Variants in SHROOM4 observed in about 807,000 individuals in gnomAD.
SHROOM4 encodes shroom family member 4.
In SHROOM4, 17 loss-of-function variants were observed where a neutral mutation model predicts 80.3. The observed-to-expected ratio is 0.21, with a 90% CI of 0.14 to 0.32. The LOEUF (loss-of-function observed/expected upper bound fraction) is 0.32, where lower values mean the gene tolerates loss of function less well. Ranked by LOEUF, SHROOM4 falls within the 10% of genes least tolerant of loss-of-function variation. The probability of loss-of-function intolerance (pLI) is 1.00; values close to 1 mark genes in which losing one functional copy is unlikely to be tolerated. For missense variants in SHROOM4, 993 were observed against 1,140.3 expected, an observed-to-expected ratio of 0.87 and a Z score of 1.86; for synonymous variants, 400 against 437.5, an observed-to-expected ratio of 0.91 and a Z score of 1.07.
Position 50,607,408 on chromosome X carries a change from G to A in SHROOM4, c.3734C>T (p.Ser1245Leu), listed in dbSNP as rs12689863. 8.7e-3 allele frequency: 10,542 copies of A among 1,208,991 alleles called. 542 individuals carry two copies. In the East Asian group the frequency reaches 0.2, roughly 23 times the overall value. ...GGCGGATTCAGTGGCTTCCTGTCCC[G>A]ATGTCCTCCAAAGCCCACCAATGCC... is the stretch of plus-strand genomic sequence containing the variant. ...YYGIGGLWRTSGQEATESAKQ... is the reference protein window; with the variant it reads ...YYGIGGLWRTLGQEATESAKQ... The change falls in exon 6 of 9, where the codon TCG (serine) becomes TTG (leucine). Residue 1245 changes from serine (S) to leucine (L), a missense_variant. Coordinates refer to ENST00000376020, the MANE Select transcript of SHROOM4 (RefSeq NM_020717.5).
chrX:50,598,240 C>T, intron 8 of SHROOM4, 26 bp downstream of exon 8: 1 of 1,210,521 alleles, frequency 8.3e-7, no homozygotes, highest in Non-Finnish European at 1.1e-6. Context: ...TTCCCTCTAC[C>T]CACACCCCAC....
chrX:50,793,511 C>G (rs1935895510), intron 1 of SHROOM4, among the ~76,000 whole-genome samples: 1 of 106,119 alleles, frequency 9.4e-6, no homozygotes, highest in Non-Finnish European at 1.9e-5. Flanking sequence ...TACTTTCTGA[C>G]ATCGAAAATA....
chrX:50,650,946 A>G (rs1932028666), intron 2 of SHROOM4, among the ~76,000 whole-genome samples: 1 of 111,689 alleles, frequency 9.0e-6, no homozygotes, highest in South Asian at 3.8e-4. Flanking sequence ...TTTACCCTTA[A>G]TATTAGCACT....
At chrX:50,793,209 T>C (rs940468037) in intron 1 of SHROOM4, among the ~76,000 whole-genome samples, 1 of 110,386 alleles carries the variant, frequency 9.1e-6, no homozygotes, top group Non-Finnish European at 1.9e-5. Flanking sequence ...TTGCATAATT[T>C]TGCTTATATG....
In SHROOM4 at chrX:50,642,559, T is replaced by G. The variant is rs1166583723; in HGVS notation, c.270-4251A>C. On this transcript the variant is annotated intron_variant, in intron 2 of 8. Coordinates refer to ENST00000376020, the MANE Select transcript of SHROOM4 (RefSeq NM_020717.5). ...CAACCTCAGACTCCTGGGCATAAGCTATCCTTCTGTCTCAGCCTCCTGAGT... is the reference window on the plus strand; with the variant it reads ...CAACCTCAGACTCCTGGGCATAAGCGATCCTTCTGTCTCAGCCTCCTGAGT... 2.7e-5 allele frequency among the ~76,000 whole-genome samples: 3 copies of G among 111,931 alleles called. No individual in the cohort carries two copies. In the Admixed American group the frequency reaches 2.8e-4, roughly 11 times the overall value.
chrX:50,799,921 G>A (rs1166242575), intron 1 of SHROOM4, among the ~76,000 whole-genome samples: 3 of 111,677 alleles, frequency 2.7e-5, no homozygotes, highest in Non-Finnish European at 5.6e-5. Flanking sequence ...TGCAAACCTC[G>A]GAACACAGCT....
intron 1 of SHROOM4, among the ~76,000 whole-genome samples, chrX:50,799,773 T>C (rs782349976): frequency 9.0e-6 from 1 of 111,038 alleles, no homozygotes; most frequent in East Asian, 2.8e-4. Flanking sequence ...AACACTTGAG[T>C]TTCACTGAAG....
intron 1 of SHROOM4, among the ~76,000 whole-genome samples, chrX:50,753,480 T>C (rs1569548540): frequency 2.7e-5 from 3 of 111,940 alleles, no homozygotes; most frequent in Admixed American, 9.5e-5. Flanking sequence ...TACATTTCAG[T>C]ATACCTGGGA....
rs543850330 is a variant in SHROOM4 at position 50,588,406 on chromosome X, T to A, written c.*8289A>T. Reference sequence around the variant, plus strand: ...TGGGTACTTATTGTCCTAAGTACTTTGCATGGATTAACTCAATAATTCCTC... The same window carrying A: ...TGGGTACTTATTGTCCTAAGTACTTAGCATGGATTAACTCAATAATTCCTC... On this transcript the variant is annotated 3_prime_UTR_variant, in exon 9 of 9. Transcript: ENST00000376020. Among the ~76,000 whole-genome samples, 1 of 112,260 alleles carries A rather than the reference T, an allele frequency of 8.9e-6. No individual in the cohort carries two copies. Among genetic ancestry groups the A allele is most frequent in the Admixed American group, 9.4e-5 (1 of 10,605 alleles).
At chrX:50,582,037 A>C (rs1235518898), downstream of SHROOM4, among the ~76,000 whole-genome samples, 4 of 111,714 alleles carry the variant, frequency 3.6e-5, no homozygotes, top group Non-Finnish European at 7.5e-5. Context: ...CTGGAGTGTA[A>C]GTGGGAAGTG....
intron 1 of SHROOM4, among the ~76,000 whole-genome samples, chrX:50,806,246 A>G (rs1936225812): frequency 8.9e-6 from 1 of 112,000 alleles, no homozygotes; most frequent in Non-Finnish European, 1.9e-5. Flanking sequence ...GTGTTGCGAT[A>G]TGGTACAGTC....
intron 1 of SHROOM4, among the ~76,000 whole-genome samples, chrX:50,736,197 A>G (rs782210605): frequency 1.8e-5 from 2 of 110,517 alleles, no homozygotes; most frequent in African/African-American, 6.6e-5. Flanking sequence ...ATCTTCATAC[A>G]TGCTAGGTGC....
chrX:50,578,754 A>C, the SHROOM4 span, among the ~76,000 whole-genome samples: 3 of 111,944 alleles, frequency 2.7e-5, no homozygotes, highest in Non-Finnish European at 5.6e-5. Context: ...TTTTAACTTA[A>C]ATGTAGCATA....
intron 1 of SHROOM4, among the ~76,000 whole-genome samples, chrX:50,808,915 G>C (rs1355789128): frequency 9.0e-6 from 1 of 110,721 alleles, no homozygotes; most frequent in Non-Finnish European, 1.9e-5. Context: ...TGAAAACCCA[G>C]CAGGGCCAAA....
chrX:50,686,134 A>C lies in SHROOM4; in HGVS notation c.269+9652T>G, dbSNP rs1933066574. 2.7e-5 allele frequency among the ~76,000 whole-genome samples: 3 copies of C among 110,350 alleles called. No homozygotes were observed. In the Admixed American group the frequency reaches 2.9e-4, roughly 11 times the overall value. On this transcript the variant is annotated intron_variant, in intron 2 of 8. Transcript: ENST00000376020. ...AAGCTCCGCCTCCCGGGTTCACGCCATTCTCCTGCGTCTCAGCCTCCGAAG... is the reference window on the plus strand; with the variant it reads ...AAGCTCCGCCTCCCGGGTTCACGCCCTTCTCCTGCGTCTCAGCCTCCGAAG...
At chrX:50,673,204 A>G (rs1334897205) in intron 2 of SHROOM4, among the ~76,000 whole-genome samples, 1 of 112,061 alleles carries the variant, frequency 8.9e-6, no homozygotes, top group Non-Finnish European at 1.9e-5. Flanking sequence ...AGCAAAAATT[A>G]TAACATTGTC....
intron 2 of SHROOM4, among the ~76,000 whole-genome samples, chrX:50,665,566 T>C (rs1252388079): frequency 9.1e-6 from 1 of 110,032 alleles, no homozygotes; most frequent in Admixed American, 9.8e-5. Context: ...TAGGAACCAA[T>C]TGAGGTGCTA....
chrX:50,773,195 T>C (rs782186890), intron 1 of SHROOM4, among the ~76,000 whole-genome samples: 1 of 112,300 alleles, frequency 8.9e-6, no homozygotes, highest in Non-Finnish European at 1.9e-5. Context: ...ACTAACATTT[T>C]ATTAAATCCT....
intron 1 of SHROOM4, among the ~76,000 whole-genome samples, chrX:50,723,393 G>GGAGAGAGAGAGAGA (rs782457909): frequency 3.7e-5 from 2 of 54,477 alleles, no homozygotes; most frequent in African/African-American, 6.6e-5. Flanking sequence ...AGCAAGGGAG[G>GGAGAGAGAGAGAGA]GAGAGAGAGA....
Sources: allele counts gnomAD v4.1 joint callset (sites outside exome capture counted in the v4.1 genomes callset), GRCh38; gene constraint gnomAD v4.1.1; transcripts MANE v1.5; gene names NCBI Gene and HGNC (gene_info 2026-07-23, HGNC 2026-07-21).